Variants in CEP290 observed in about 807,000 individuals in gnomAD.
CEP290 encodes the protein centrosomal protein of 290 kDa.
In CEP290, 317 loss-of-function variants were observed where a neutral mutation model predicts 344.9. That is an observed-to-expected ratio of 0.92 (90% confidence interval 0.84 to 1.01). The LOEUF (loss-of-function observed/expected upper bound fraction) is 1.01. CEP290 is among the 50% of genes least tolerant of loss of function. The pLI, the probability that CEP290 is intolerant of heterozygous loss-of-function variation, is 0.00. For missense variants in CEP290, 2,754 were observed against 2,761.4 expected, an observed-to-expected ratio of 1.00 and a Z score of 0.06; for synonymous variants, 932 against 895.8, an observed-to-expected ratio of 1.04 and a Z score of -0.72.
rs192259143 is a variant in CEP290 at position 88,068,541 on chromosome 12, T to C, written c.6116A>G (p.Asp2039Gly). Residue 2039 changes from aspartate (D) to glycine (G), a missense_variant, in exon 44 of 54, where the codon GAT becomes GGT. Coordinates refer to ENST00000552810, the MANE Select transcript of CEP290 (RefSeq NM_025114.4). ...LHALEKQFSK[D>G]TYSKPSISGI... Reference sequence around the variant, plus strand: ...ACTTACTGAAGGCTTAGAATATGTATCCTTTGAAAACTGTTTTTCTAAAGC... The same window carrying C: ...ACTTACTGAAGGCTTAGAATATGTACCCTTTGAAAACTGTTTTTCTAAAGC... 6.4e-4 allele frequency: 1,004 copies of C among 1,561,984 alleles called. No homozygotes were observed. The highest frequency in any genetic ancestry group is 8.2e-4 in the Non-Finnish European group (943 of 1,152,604).
chr12:88,083,752 G>T, intron 36 of CEP290, 95 bp downstream of exon 36: 1 of 783,440 alleles, frequency 1.3e-6, no homozygotes, highest in South Asian at 1.7e-5. Flanking sequence ...GCAACAAAAA[G>T]GGTAACTTCC....
At chr12:88,134,618 TACCATTTATAAGCTGTGCA>T (rs2040254354) in intron 6 of CEP290, among the ~76,000 whole-genome samples, 1 of 152,154 alleles carries the variant, frequency 6.6e-6, no homozygotes. Context: ...ATCCTACCTT[TACCATTTATAAGCTGTGCA>T]ACCATGGGCA....
At chr12:88,074,997 A>G (rs956574149) in intron 41 of CEP290, among the ~76,000 whole-genome samples, 19 of 152,196 alleles carry the variant, frequency 1.2e-4, no homozygotes, top group Admixed American at 1.2e-3. Flanking sequence ...ACTCCAGGAA[A>G]TTAATCAAAC....
At chr12:88,127,622 AAAAG>A in intron 11 of CEP290, among the ~76,000 whole-genome samples, 1 of 152,340 alleles carries the variant, frequency 6.6e-6, no homozygotes, top group Non-Finnish European at 1.5e-5. Context: ...ACTAAGCATA[AAAAG>A]AAATATTTCA....
rs2036975492 is a variant in CEP290 at position 88,090,788 on chromosome 12, T to A, written c.3513A>T (p.Ala1171=). ...CTTCCTTGTCCCTAGATTGTTGTTG[T>A]GCATTCAAAATTTCAACTTGTCTTC... The part of the protein sequence containing the change: ...IARRQVEILN[A]QQQSRDKEVE... Residue 1171 remains alanine, a synonymous_variant, in exon 30 of 54, where the codon GCA becomes GCT. Coordinates refer to ENST00000552810, the MANE Select transcript of CEP290 (RefSeq NM_025114.4). The A allele has an allele frequency of 6.4e-7, 1 of 1,562,924 alleles. No individual in the cohort carries two copies. Among genetic ancestry groups the A allele is most frequent in the Non-Finnish European group, 8.7e-7 (1 of 1,151,568 alleles).
At chr12:88,064,260 AAAAT>A in intron 44 of CEP290, 145 bp from the exon 45 acceptor site, 1 of 627,274 alleles carries the variant, frequency 1.6e-6, no homozygotes, top group Non-Finnish European at 2.6e-6. Context: ...GTGAAAGCCA[AAAAT>A]AAATAAGTTA....
chr12:88,058,932 C>T lies in CEP290; in HGVS notation c.6734G>A (p.Gly2245Asp), dbSNP rs766640788. 6.2e-7 allele frequency: 1 copy of T among 1,613,868 alleles called. No individual in the cohort carries two copies. Among genetic ancestry groups the T allele is most frequent in the Non-Finnish European group, 8.5e-7 (1 of 1,179,822 alleles). ...GCTTTCTGCAAACTGCAATCTCTTA[C>T]CAGTCTCTTCTAGTTGAACTGTCAT... ...EKMTVQLEET[G>D]KRLQFAESRG... The change falls in exon 49 of 54, where the codon GGT becomes GAT. Residue 2245 changes from glycine (G) to aspartate (D), a missense_variant. By Grantham distance (94) the Gly-to-Asp change is moderately conservative. Coordinates refer to ENST00000552810, the MANE Select transcript of CEP290 (RefSeq NM_025114.4).
intron 41 of CEP290, among the ~76,000 whole-genome samples, chr12:88,076,539 T>C (rs2035787094): frequency 6.6e-6 from 1 of 152,116 alleles, no homozygotes; most frequent in African/African-American, 2.4e-5. Context: ...ATATTTTGAA[T>C]GTTACCAACA....
Position 88,076,311 on chromosome 12 carries a change from T to C in CEP290, c.5709+911A>G, listed in dbSNP as rs577036614. On this transcript the variant is annotated intron_variant, in intron 41 of 53. Coordinates refer to ENST00000552810, the MANE Select transcript of CEP290 (RefSeq NM_025114.4). ...AGAAAATAATTTTGGGAGCATACTCTATTAAGAAATTTGAATTCCATTACC... is the reference window on the plus strand; with the variant it reads ...AGAAAATAATTTTGGGAGCATACTCCATTAAGAAATTTGAATTCCATTACC... 4.6e-5 allele frequency among the ~76,000 whole-genome samples: 7 copies of C among 152,304 alleles called. 1 individual carries two copies. The East Asian group carries it at 1.3e-3, about 29-fold the overall frequency.
chr12:88,062,659 A>C, intron 46 of CEP290, 33 bp downstream of exon 46: 1 of 1,472,642 alleles, frequency 6.8e-7, no homozygotes, highest in Non-Finnish European at 9.4e-7. Flanking sequence ...CACTGCTGAA[A>C]CCAAAACAAA....
Position 88,106,810 on chromosome 12 carries a change from T to C in CEP290, c.2682A>G (p.Lys894=), listed in dbSNP as rs1458026699. 3 of 1,608,170 alleles carry C rather than the reference T, an allele frequency of 1.9e-6. No individual in the cohort carries two copies. The highest frequency in any genetic ancestry group is 2.7e-5 in the African/African-American group (2 of 74,818). The change falls in exon 25 of 54, where the codon AAA becomes AAG. Residue 894 remains lysine (K), a synonymous_variant. Coordinates refer to ENST00000552810, the MANE Select transcript of CEP290 (RefSeq NM_025114.4). ...RKITVLQVNE[K]SLIRQYTTLV... ...AGGTTGTATATTGCCTTATAAGTGA[T>C]TTTTCATTCACTTGCAAAACAGTAA... is the stretch of plus-strand genomic sequence containing the variant.
chr12:88,055,567 G>A lies in CEP290; in HGVS notation c.6960+9C>T, dbSNP rs373226012. ...ATTTTATCATGTAAAGAAAAATTAC[G>A]TTACTTACCTGTTGTTCAAGGTCTT... is the stretch of plus-strand genomic sequence containing the variant. On this transcript the variant is annotated intron_variant, in intron 50 of 53. Coordinates refer to ENST00000552810, the MANE Select transcript of CEP290 (RefSeq NM_025114.4). 57 of 1,556,280 alleles carry A rather than the reference G, an allele frequency of 3.7e-5. No individual in the cohort carries two copies. The highest frequency in any genetic ancestry group is 1.6e-4 in the African/African-American group (12 of 72,766).
At chr12:88,094,520 A>G (rs1438020669) in intron 27 of CEP290, among the ~76,000 whole-genome samples, 1 of 152,078 alleles carries the variant, frequency 6.6e-6, no homozygotes, top group Non-Finnish European at 1.5e-5. Context: ...AATATTTTAC[A>G]TTCTTTTATT....
Position 88,058,916 on chromosome 12 carries a change from A to C in CEP290, c.6750T>G (p.Phe2250Leu), listed in dbSNP as rs1478489747. ...QLEETGKRLQFAESRGPQLEG... is the reference protein window; with the variant it reads ...QLEETGKRLQLAESRGPQLEG... ...CAAGCTGTGGACCTCTGCTTTCTGC[A>C]AACTGCAATCTCTTACCAGTCTCTT... Residue 2250 changes from phenylalanine (F) to leucine (L), a missense_variant, in exon 49 of 54, where the codon TTT becomes TTG. Coordinates refer to ENST00000552810, the MANE Select transcript of CEP290 (RefSeq NM_025114.4). 2 of 1,613,978 alleles carry C rather than the reference A, an allele frequency of 1.2e-6. No homozygotes were observed. The highest frequency in any genetic ancestry group is 3.3e-5 in the Admixed American group (2 of 60,030).
rs1414041522 is a variant in CEP290, at chr12:88,054,380, C to T, written c.6994G>A (p.Glu2332Lys). Residue 2332 changes from glutamate to lysine, a missense_variant, in exon 51 of 54, where the codon GAG becomes AAG. Glu to Lys is a moderately conservative substitution (Grantham distance 56). Transcript: ENST00000552810. ...TCCCGTTTAAGGCCTTGCTCTGTCT[C>T]AGCACCTTCAGGAACATGTTTAAGA... ...KILKHVPEGA[E>K]TEQGLKRELQ... The T allele has an allele frequency of 2.5e-6, 4 of 1,611,710 alleles. No homozygotes were observed. The East Asian group carries it at 8.9e-5, about 36-fold the overall frequency.
intron 52 of CEP290, 132 bp downstream of exon 52, chr12:88,053,520 G>A: frequency 4.9e-6 from 3 of 607,454 alleles, no homozygotes; most frequent in Non-Finnish European, 8.8e-6. Flanking sequence ...AGAGACAAAA[G>A]ACCCAAAGCT....
Position 88,087,914 on chromosome 12 carries a change from G to C in CEP290, c.4060C>G (p.Leu1354Val). 1.7e-6 allele frequency: 2 copies of C among 1,202,348 alleles called. No individual in the cohort carries two copies. Among genetic ancestry groups the C allele is most frequent in the Non-Finnish European group, 2.1e-6 (2 of 939,040 alleles). 74.5% of individuals were successfully genotyped at this position (1,202,348 alleles called of 1,614,324 possible). ...VINWHMKIEELRLQELKLNRE... is the reference protein window; with the variant it reads ...VINWHMKIEEVRLQELKLNRE... ...TTTAGTTTAAGTTCTTGAAGACGAA[G>C]TTCTTCTATTTTCATATGCCAGTTG... The change falls in exon 32 of 54, where the codon CTT becomes GTT. Residue 1354 changes from leucine (L) to valine (V), a missense_variant. Leu to Val is a conservative substitution (Grantham distance 32). Coordinates refer to ENST00000552810, the MANE Select transcript of CEP290 (RefSeq NM_025114.4).
Position 88,087,882 on chromosome 12 carries a change from T to A in CEP290, c.4092A>T (p.Glu1364Asp). The change falls in exon 32 of 54, where the codon GAA becomes GAT. Residue 1364 changes from glutamate (E) to aspartate (D), a missense_variant. Glu to Asp is a conservative substitution (Grantham distance 45). Transcript: ENST00000552810. Reference sequence around the variant, plus strand: ...TTATTTCTTCTTTATCCTTGACTAATTCCCGATTTAGTTTAAGTTCTTGAA... The same window carrying A: ...TTATTTCTTCTTTATCCTTGACTAAATCCCGATTTAGTTTAAGTTCTTGAA... ...LRLQELKLNR[E>D]LVKDKEEIKY... 1 of 1,230,826 alleles carries A rather than the reference T, an allele frequency of 8.1e-7. No individual in the cohort carries two copies. The highest frequency in any genetic ancestry group is 1.0e-6 in the Non-Finnish European group (1 of 960,552). 76.2% of individuals were successfully genotyped at this position (1,230,826 alleles called of 1,614,324 possible). A position where few individuals can be genotyped will look rare whatever the true frequency, so the allele number is the denominator to read the frequency against.
chr12:88,121,295 T>C (rs888416336), intron 13 of CEP290, 129 bp from the exon 14 acceptor site: 5 of 660,228 alleles, frequency 7.6e-6, no homozygotes, highest in South Asian at 2.3e-5. Flanking sequence ...CATTTTATAT[T>C]TGTAAGATGA....
Sources: allele counts gnomAD v4.1 joint callset (sites outside exome capture counted in the v4.1 genomes callset), GRCh38; gene constraint gnomAD v4.1.1; transcripts MANE v1.5; gene names NCBI Gene and HGNC (gene_info 2026-07-23, HGNC 2026-07-21).